Variants in ADGRL3 observed in about 807,000 individuals in gnomAD.
The protein encoded by ADGRL3 is adhesion G protein-coupled receptor L3.
In ADGRL3, 62 loss-of-function variants were observed where a neutral mutation model predicts 153.5. The ratio of observed to expected loss-of-function variants is 0.40; its 90% confidence interval spans 0.33 to 0.50. The LOEUF is 0.50. Among genes scored for constraint, ADGRL3 ranks in the 20% least tolerant of loss-of-function variants. ADGRL3 has a pLI of 0.47. For synonymous variants in ADGRL3, 710 were observed against 672.5 expected (o/e 1.06, Z -0.86); for missense variants, 1,641 against 1,859.4 (o/e 0.88, Z 2.16).
chr4:61,449,163 G>T (rs2097643218), intron 2 of ADGRL3, among the ~76,000 whole-genome samples: 5 of 151,582 alleles, frequency 3.3e-5, no homozygotes, highest in Admixed American at 1.3e-4. Flanking sequence ...TTGAGACGGA[G>T]TCTCACTCTG....
At chr4:61,977,789 AT>A (rs569452600) in intron 17 of ADGRL3, among the ~76,000 whole-genome samples, 182 of 151,960 alleles carry the variant, frequency 1.2e-3, no homozygotes, top group African/African-American at 4.3e-3. Flanking sequence ...TTAAAAATCA[AT>A]TTTTTTTCAA....
chr4:61,598,735 A>G (rs912708697), intron 5 of ADGRL3, among the ~76,000 whole-genome samples: 1 of 152,224 alleles, frequency 6.6e-6, no homozygotes, highest in African/African-American at 2.4e-5. Context: ...ATGCAAATTA[A>G]TTTCATGAAA....
chr4:61,717,709 A>G (rs1262774937), intron 6 of ADGRL3, among the ~76,000 whole-genome samples: 3 of 152,096 alleles, frequency 2.0e-5, no homozygotes, highest in African/African-American at 7.2e-5. Flanking sequence ...AATGTAAGCT[A>G]TTTTGTTTGC....
chr4:61,268,671 G>GT (rs2092991393), intron 1 of ADGRL3, among the ~76,000 whole-genome samples: 1 of 151,294 alleles, frequency 6.6e-6, no homozygotes, highest in Admixed American at 6.6e-5. Flanking sequence ...TATTCCAGTG[G>GT]TGTGTGGCAT....
intron 3 of ADGRL3, among the ~76,000 whole-genome samples, chr4:61,510,019 T>A (rs553464083): frequency 2.6e-5 from 4 of 152,208 alleles, no homozygotes; most frequent in Non-Finnish European, 5.9e-5. Flanking sequence ...TGATGATGAG[T>A]GATATTGAGT....
At chr4:61,719,750 C>T (rs1463097748) in intron 6 of ADGRL3, among the ~76,000 whole-genome samples, 2 of 151,740 alleles carry the variant, frequency 1.3e-5, no homozygotes, top group Non-Finnish European at 2.9e-5. Flanking sequence ...TACAGGTGCC[C>T]ACCACTACGC....
At chr4:61,543,354 G>A (rs1469222619) in intron 4 of ADGRL3, among the ~76,000 whole-genome samples, 1 of 152,106 alleles carries the variant, frequency 6.6e-6, no homozygotes. Context: ...GTGAGAAGAA[G>A]AAGGGAGAAA....
Position 61,909,631 on chromosome 4 carries a change from T to G in ADGRL3, c.1959T>G (p.Ala653=). The G allele has an allele frequency of 6.2e-7, 1 of 1,613,470 alleles. No individual in the cohort carries two copies. Among genetic ancestry groups the G allele is most frequent in the Non-Finnish European group, 8.5e-7 (1 of 1,179,728 alleles). ...AACAGACAAGAAATCACTTGAATGC[T>G]GGGGACATCACCTACTCTGTCCGGG... The part of the protein sequence containing the change: ...LAEQTRNHLN[A]GDITYSVRAM... Residue 653 remains alanine, a synonymous_variant, in exon 12 of 27, where the codon GCT becomes GCG. Coordinates refer to ENST00000683033, the MANE Select transcript of ADGRL3 (RefSeq NM_001387552.1).
intron 13 of ADGRL3, among the ~76,000 whole-genome samples, chr4:61,922,305 T>A (rs1156550981): frequency 6.6e-6 from 1 of 152,212 alleles, no homozygotes; most frequent in African/African-American, 2.4e-5. Context: ...TATGTCTTTT[T>A]AAAACTAATA....
chr4:61,677,241 C>G (rs1327082279), intron 6 of ADGRL3: 1 of 315,156 alleles, frequency 3.2e-6, no homozygotes, highest in South Asian at 3.2e-5. Context: ...TACCAATTCT[C>G]CAGGTCCAAG....
chr4:61,921,405 A>G (rs1346908541), intron 13 of ADGRL3, among the ~76,000 whole-genome samples: 1 of 151,988 alleles, frequency 6.6e-6, no homozygotes, highest in Non-Finnish European at 1.5e-5. Context: ...GTCCTTTTCC[A>G]AAGCGTGATC....
intron 3 of ADGRL3, among the ~76,000 whole-genome samples, chr4:61,509,483 A>G (rs76581220): frequency 0.026 from 3,996 of 152,094 alleles, 137 homozygotes; most frequent in East Asian, 0.15. Flanking sequence ...TTATAAGTCT[A>G]TGTGTGCAAT....
At position 61,910,014 on chromosome 4, in the gene ADGRL3, G is replaced by T. The variant is rs1178712296; in HGVS notation, c.2073+269G>T. ...TTCTGTTTTCCATGGCAGTTATTCTGTTATGCTAAATTCAGACAGGGTTAA... is the reference window on the plus strand; with the variant it reads ...TTCTGTTTTCCATGGCAGTTATTCTTTTATGCTAAATTCAGACAGGGTTAA... On this transcript the variant is annotated intron_variant, in intron 12 of 26. Transcript: ENST00000683033. 2.0e-5 allele frequency among the ~76,000 whole-genome samples: 3 copies of T among 151,952 alleles called. No individual in the cohort carries two copies. In the East Asian group the frequency reaches 5.8e-4, roughly 29 times the overall value.
intron 8 of ADGRL3, among the ~76,000 whole-genome samples, chr4:61,796,451 A>T (rs2097413499): frequency 6.6e-6 from 1 of 152,270 alleles, no homozygotes; most frequent in Admixed American, 6.5e-5. Flanking sequence ...AAGATAAAGG[A>T]ACCAAATCAG....
chr4:61,781,602 TAC>T (rs892090236), intron 8 of ADGRL3, among the ~76,000 whole-genome samples: 2 of 152,172 alleles, frequency 1.3e-5, no homozygotes, highest in African/African-American at 4.8e-5. Flanking sequence ...GAAATGAAAA[TAC>T]AGTCATTGAT....
In ADGRL3 at chr4:61,656,111, T is replaced by G. The variant is rs375487052; in HGVS notation, c.474-20715T>G. Among the ~76,000 whole-genome samples, 132 of 152,322 alleles carry G rather than the reference T, an allele frequency of 8.7e-4. 2 individuals carry two copies. The highest frequency in any genetic ancestry group is 3.1e-3 in the African/African-American group (129 of 41,578). On this transcript the variant is annotated intron_variant, in intron 5 of 26. Coordinates refer to ENST00000683033, the MANE Select transcript of ADGRL3 (RefSeq NM_001387552.1). ...AGATGCTTACTTTGTTGCCAAAAGG[T>G]CAATAAAATGAAAGGGCAGTGTTCT... is the stretch of plus-strand genomic sequence containing the variant.
At chr4:61,959,693 G>T (rs2098980632) in intron 17 of ADGRL3, among the ~76,000 whole-genome samples, 1 of 152,116 alleles carries the variant, frequency 6.6e-6, no homozygotes, top group Admixed American at 6.5e-5. Context: ...CGTTGAACAT[G>T]AAAGTACTTG....
intron 8 of ADGRL3, among the ~76,000 whole-genome samples, chr4:61,763,269 C>T (rs1401575503): frequency 1.3e-5 from 2 of 149,718 alleles, no homozygotes; most frequent in Non-Finnish European, 2.9e-5. Flanking sequence ...CTCACTGAAA[C>T]CTCTGCCTCC....
chr4:61,637,277 G>GCA (rs1388164524), intron 5 of ADGRL3, among the ~76,000 whole-genome samples: 1 of 152,094 alleles, frequency 6.6e-6, no homozygotes, highest in African/African-American at 2.4e-5. Context: ...ACACAGGCAT[G>GCA]CACACACACA....
Sources: allele counts gnomAD v4.1 joint callset (sites outside exome capture counted in the v4.1 genomes callset), GRCh38; gene constraint gnomAD v4.1.1; transcripts MANE v1.5; gene names NCBI Gene and HGNC (gene_info 2026-07-23, HGNC 2026-07-21).